The following RASGRF1 variants were observed in gnomAD, a reference collection of about 807,000 sequenced individuals.
The protein encoded by RASGRF1 is Ras protein specific guanine nucleotide releasing factor 1.
RASGRF1 carries 40 observed loss-of-function variants against 138.7 expected under a neutral mutation model. That is an observed-to-expected ratio of 0.29 (90% CI 0.22 to 0.38). RASGRF1 has a LOEUF of 0.38. Among genes scored for constraint, RASGRF1 ranks in the 10% least tolerant of loss-of-function variants. The pLI is 1.00. For synonymous variants in RASGRF1, 614 were observed against 663.2 expected, an observed-to-expected ratio of 0.93 and a Z score of 1.14; for missense variants, 1,108 against 1,650.4, an observed-to-expected ratio of 0.67 and a Z score of 5.69.
rs973881488 is a variant in RASGRF1, at chr15:79,073,221, C to A, written c.277-8695G>T. 6.6e-6 allele frequency among the ~76,000 whole-genome samples: 1 copy of A among 151,958 alleles called. No individual in the cohort carries two copies. Among genetic ancestry groups the A allele is most frequent in the East Asian group, 1.9e-4 (1 of 5,194 alleles). On this transcript the variant is annotated intron_variant, in intron 1 of 26. Transcript: ENST00000558480. The surrounding 1 kb of genome is among the most constrained non-coding windows in gnomAD (Gnocchi z 4.2). ...GCCTACTAGAGTTGCTGGAATAGAT[C>A]TAGTATCCCCCGCAGTCCTCCACCA...
At chr15:78,966,522 G>C (rs28451149) in intron 26 of RASGRF1, among the ~76,000 whole-genome samples, 2 of 152,150 alleles carry the variant, frequency 1.3e-5, no homozygotes, top group East Asian at 1.9e-4. Context: ...TTACAGTTGA[G>C]AGCCACCGTG....
intron 11 of RASGRF1, 79 bp from the exon 12 acceptor site, chr15:79,017,985 C>A: frequency 6.4e-7 from 1 of 1,555,070 alleles, no homozygotes; most frequent in South Asian, 1.2e-5. Context: ...TGGTCCCTGT[C>A]GTACGTACCA....
intron 1 of RASGRF1, among the ~76,000 whole-genome samples, chr15:79,069,162 A>C (rs1482561074): frequency 6.6e-6 from 1 of 152,154 alleles, no homozygotes; most frequent in Non-Finnish European, 1.5e-5. Context: ...AGAACCCTGC[A>C]CAGAGCCTAG....
chr15:78,978,887 C>G lies in RASGRF1; in HGVS notation c.3494+1733G>C. Reference sequence around the variant, plus strand: ...CAGAGGCCCGCAGGCCACCTCTGCCCTGTGCTGCAGGGAGCAGGGGAATGT... The same window carrying G: ...CAGAGGCCCGCAGGCCACCTCTGCCGTGTGCTGCAGGGAGCAGGGGAATGT... On this transcript the variant is annotated intron_variant, in intron 24 of 26. Coordinates refer to ENST00000558480, the MANE Select transcript of RASGRF1 (RefSeq NM_001145648.3). 3 of 1,230,104 alleles carry G rather than the reference C, an allele frequency of 2.4e-6. No homozygotes were observed. The South Asian group carries it at 4.2e-5, about 17-fold the overall frequency. 76.2% of individuals were successfully genotyped at this position (1,230,104 alleles called of 1,614,324 possible). A position where few individuals can be genotyped will look rare whatever the true frequency, so the allele number is the denominator to read the frequency against.
chr15:79,070,021 C>T (rs1021805770), intron 1 of RASGRF1, among the ~76,000 whole-genome samples: 3 of 152,178 alleles, frequency 2.0e-5, no homozygotes, highest in Non-Finnish European at 4.4e-5. Context: ...GTGGAAGCCC[C>T]CAACCCAGGA....
intron 8 of RASGRF1, among the ~76,000 whole-genome samples, chr15:79,028,844 C>A: frequency 6.6e-6 from 1 of 152,204 alleles, no homozygotes. Flanking sequence ...TCAATTTAAA[C>A]CCCAAAACAA....
At chr15:78,990,951 T>C (rs2056256278) in intron 21 of RASGRF1, among the ~76,000 whole-genome samples, 1 of 152,206 alleles carries the variant, frequency 6.6e-6, no homozygotes, top group African/African-American at 2.4e-5. Flanking sequence ...TGGGGAGGGC[T>C]GCGAGAGTGC....
chr15:79,031,122 C>T (rs941296116), intron 8 of RASGRF1, among the ~76,000 whole-genome samples: 1 of 152,164 alleles, frequency 6.6e-6, no homozygotes, highest in Non-Finnish European at 1.5e-5. Context: ...ATGGACAGTC[C>T]CTCTCCTGGG....
intron 5 of RASGRF1, among the ~76,000 whole-genome samples, 176 bp from the exon 6 acceptor site, chr15:79,035,386 TA>T (rs2057205882): frequency 6.6e-6 from 1 of 152,232 alleles, no homozygotes; most frequent in Non-Finnish European, 1.5e-5. Flanking sequence ...CTGGTGGTGC[TA>T]AATGAGAATG....
rs2055538789 is a variant in RASGRF1 at position 78,961,185 on chromosome 15, C to G, written c.*959G>C. 14 of 152,130 alleles carry G rather than the reference C, an allele frequency of 9.2e-5. No homozygotes were observed. The highest frequency in any genetic ancestry group is 9.2e-4 in the Admixed American group (14 of 15,278). 9.4% of individuals were successfully genotyped at this position (152,130 alleles called of 1,614,324 possible). On this transcript the variant is annotated 3_prime_UTR_variant, in exon 27 of 27. Transcript: ENST00000558480. Reference sequence around the variant, plus strand: ...TAAGCACTACATTACTATATTCCTGCTAGAAGGCATTTAGACAGGACTACA... The same window carrying G: ...TAAGCACTACATTACTATATTCCTGGTAGAAGGCATTTAGACAGGACTACA...
rs372592518 is a variant in RASGRF1, at chr15:79,017,758, G to A, written c.1743+12C>T. On this transcript the variant is annotated intron_variant, in intron 12 of 26. Coordinates refer to ENST00000558480, the MANE Select transcript of RASGRF1 (RefSeq NM_001145648.3). The stretch of plus-strand genomic sequence containing the variant: ...GGACCACTCGCTTTCAGGAACAGGT[G>A]ACGCTACTCACCTGGCTGATGTCAC... 3.8e-5 allele frequency: 60 copies of A among 1,595,122 alleles called. No individual in the cohort carries two copies. Among genetic ancestry groups the A allele is most frequent in the Non-Finnish European group, 2.6e-6 (3 of 1,172,950 alleles).
chr15:79,080,950 A>G (rs149791070), intron 1 of RASGRF1, among the ~76,000 whole-genome samples: 29 of 152,364 alleles, frequency 1.9e-4, no homozygotes, highest in Admixed American at 1.8e-3. Flanking sequence ...TGTCTATGCA[A>G]GCCTCGTCTG....
In RASGRF1 at chr15:79,017,842, G is replaced by A; in HGVS notation, c.1671C>T (p.Ser557=). The A allele has an allele frequency of 6.2e-7, 1 of 1,613,390 alleles. No individual in the cohort carries two copies. The highest frequency in any genetic ancestry group is 8.5e-7 in the Non-Finnish European group (1 of 1,179,722). The change falls in exon 12 of 27, where the codon TCC becomes TCT. Residue 557 remains serine (S), a synonymous_variant. Coordinates refer to ENST00000558480, the MANE Select transcript of RASGRF1 (RefSeq NM_001145648.3). ...DFKIGVEPKD[S]PPFTVILVAS... ...CCACTAGGATGACTGTAAAGGGCGG[G>A]GAATCCTTTGGCTCCACCCCGATTT...
chr15:79,046,933 G>A lies in RASGRF1; in HGVS notation c.691C>T (p.Arg231Trp), dbSNP rs953188638. 8.1e-6 allele frequency: 13 copies of A among 1,614,052 alleles called. No homozygotes were observed. The highest frequency in any genetic ancestry group is 1.3e-5 in the African/African-American group (1 of 75,038). The change falls in exon 5 of 27, where the codon CGG (arginine) becomes TGG (tryptophan). Residue 231 changes from arginine to tryptophan, a missense_variant. Arg to Trp is a moderately radical substitution (Grantham distance 101). Around this residue, in one of 3 missense-constraint regions of RASGRF1, gnomAD observed 253 missense variants for 329.5 expected, o/e 0.77. Transcript: ENST00000558480. This position sits in a 1 kb window ranked among gnomAD's most constrained non-coding sequence, Gnocchi z 5.3. Reference sequence around the variant, plus strand: ...CGCATGCTGTCAGCATGGGGTGACCGGATGTAGTCCTGGATGATGGTCTTC... The same window carrying A: ...CGCATGCTGTCAGCATGGGGTGACCAGATGTAGTCCTGGATGATGGTCTTC... ...KWKTIIQDYI[R>W]SPHADSMRKR... is the part of the protein sequence containing the mutation.
intron 2 of RASGRF1, among the ~76,000 whole-genome samples, chr15:79,059,502 G>T (rs897167272): frequency 2.0e-5 from 3 of 151,466 alleles, no homozygotes; most frequent in African/African-American, 7.3e-5. Context: ...GACTCTCAGA[G>T]TGAGAAGGGA....
rs910216066 is a variant in RASGRF1 at position 78,962,082 on chromosome 15, A to T, written c.*62T>A. The T allele has an allele frequency of 4.8e-6, 5 of 1,045,518 alleles. No individual in the cohort carries two copies. The highest frequency in any genetic ancestry group is 1.6e-5 in the African/African-American group (1 of 62,756). The allele number at this position is 1,045,518 out of a possible 1,614,324, so 64.8% of individuals were successfully genotyped here. On this transcript the variant is annotated 3_prime_UTR_variant, in exon 27 of 27. Coordinates refer to ENST00000558480, the MANE Select transcript of RASGRF1 (RefSeq NM_001145648.3). ...AAGAAAATCCAGTGAAACCAAACGAATATGTACAGTATCATCTAGCACATG... is the reference window on the plus strand; with the variant it reads ...AAGAAAATCCAGTGAAACCAAACGATTATGTACAGTATCATCTAGCACATG...
chr15:79,068,048 T>G (rs1488595935), intron 1 of RASGRF1, among the ~76,000 whole-genome samples: 3 of 151,940 alleles, frequency 2.0e-5, no homozygotes, highest in Non-Finnish European at 4.4e-5. Context: ...GGAAAGTGAC[T>G]GATTTTGTGA....
chr15:79,025,428 C>T lies in RASGRF1; in HGVS notation c.1428G>A (p.Arg476=). 2 of 1,614,008 alleles carry T rather than the reference C, an allele frequency of 1.2e-6. No individual in the cohort carries two copies. The highest frequency in any genetic ancestry group is 1.7e-6 in the Non-Finnish European group (2 of 1,179,930). ...TTAGGGAGAGAGACCCCAGGCGCCC[C>T]CTGGTGATCTTGCCCTTTTCAGACA... is the stretch of plus-strand genomic sequence containing the variant. ...VPMSEKGKIT[R]GRLGSLSLKK... The change falls in exon 10 of 27, where the codon AGG becomes AGA. Residue 476 remains arginine, a synonymous_variant. Coordinates refer to ENST00000558480, the MANE Select transcript of RASGRF1 (RefSeq NM_001145648.3).
At chr15:79,042,913 T>C (rs1345923578) in intron 5 of RASGRF1, among the ~76,000 whole-genome samples, 1 of 152,232 alleles carries the variant, frequency 6.6e-6, no homozygotes, top group East Asian at 1.9e-4. Context: ...CAAAAAAGCA[T>C]AGAGCTTAAG....
Sources: allele counts gnomAD v4.1 joint callset (sites outside exome capture counted in the v4.1 genomes callset), GRCh38; gene constraint gnomAD v4.1.1; regional missense constraint gnomAD v4.1.1; non-coding constraint Gnocchi (gnomAD v3.1); transcripts MANE v1.5; gene names NCBI Gene and HGNC (gene_info 2026-07-23, HGNC 2026-07-21).